DMGDH: variants seen among roughly 807,000 people sequenced by gnomAD.
DMGDH encodes the protein dimethylglycine dehydrogenase, mitochondrial.
Under a neutral mutation model 95.2 loss-of-function variants are expected in DMGDH, and 76 were observed. The observed-to-expected ratio is 0.80, with a 90% CI of 0.66 to 0.97. The LOEUF is 0.97. DMGDH is among the 50% of genes least tolerant of loss of function. The probability of loss-of-function intolerance (pLI) is 0.00; values close to 1 mark genes in which losing one functional copy is unlikely to be tolerated. For synonymous variants in DMGDH, 345 were observed against 377.6 expected (o/e 0.91, Z 1.00); for missense variants, 987 against 1,055.0 (o/e 0.94, Z 0.89).
intron 3 of DMGDH, 52 bp from the exon 4 acceptor site, chr5:79,054,400 C>G: frequency 6.4e-7 from 1 of 1,568,958 alleles, no homozygotes; most frequent in Admixed American, 1.7e-5. Context: ...GTTTGGTACT[C>G]AAACATGGTT....
intron 3 of DMGDH, among the ~76,000 whole-genome samples, chr5:79,055,193 AAAAG>A (rs1754990046): frequency 6.6e-6 from 1 of 152,248 alleles, no homozygotes; most frequent in African/African-American, 2.4e-5. Context: ...GAAGAATGGA[AAAAG>A]AAACAGTTGG....
intron 14 of DMGDH, among the ~76,000 whole-genome samples, chr5:79,019,418 G>A (rs1179449679): frequency 1.3e-5 from 2 of 151,576 alleles, no homozygotes; most frequent in African/African-American, 2.4e-5. Flanking sequence ...TTGGTATGAA[G>A]TTATAAGAAC....
rs867824185 is a variant in DMGDH at position 79,063,097 on chromosome 5, T to A, written c.276+516A>T. Among the ~76,000 whole-genome samples, 116 of 150,796 alleles carry A rather than the reference T, an allele frequency of 7.7e-4. 1 individual carries two copies. Among genetic ancestry groups the A allele is most frequent in the African/African-American group, 2.6e-3 (106 of 41,078 alleles). On this transcript the variant is annotated intron_variant, in intron 2 of 15. Transcript: ENST00000255189. ...CAGCGAGACTCCATTTCAAAAAAAA[T>A]AAAAAATAAAAAATAAAAATAAATA...
intron 9 of DMGDH, among the ~76,000 whole-genome samples, chr5:79,031,385 T>G (rs1285681236): frequency 6.6e-6 from 1 of 151,994 alleles, no homozygotes; most frequent in Non-Finnish European, 1.5e-5. Flanking sequence ...TAAATCAGAG[T>G]GTCTGGGTTG....
At chr5:79,025,013 C>T (rs1174461603) in intron 13 of DMGDH, among the ~76,000 whole-genome samples, 2 of 152,360 alleles carry the variant, frequency 1.3e-5, no homozygotes, top group Middle Eastern at 3.4e-3. Flanking sequence ...TGAAAGTACG[C>T]TTGTTTTATA....
At chr5:78,998,825 G>A (rs141216036) in intron 15 of DMGDH, among the ~76,000 whole-genome samples, 2 of 152,096 alleles carry the variant, frequency 1.3e-5, no homozygotes, top group Non-Finnish European at 2.9e-5. Flanking sequence ...ACTCCAGCCT[G>A]GATGACAGAG....
chr5:79,039,525 G>A (rs1450451941), intron 7 of DMGDH, among the ~76,000 whole-genome samples: 3 of 152,062 alleles, frequency 2.0e-5, no homozygotes, highest in Admixed American at 2.0e-4. Flanking sequence ...CATGGACACA[G>A]GAAGGGGAAC....
At position 79,030,869 on chromosome 5, in the gene DMGDH, T is replaced by C. The variant is rs770899594; in HGVS notation, c.1647A>G (p.Arg549=). The change falls in exon 10 of 16, where the codon AGA becomes AGG. Residue 549 remains arginine (R), a synonymous_variant. Transcript: ENST00000255189. Reference sequence around the variant, plus strand: ...CATTTGCAAAGAGATGGTCCAGTAGTCTAATGGAATCTTGGCCTTTGATGT... The same window carrying C: ...CATTTGCAAAGAGATGGTCCAGTAGCCTAATGGAATCTTGGCCTTTGATGT... ...KFNIKGQDSI[R]LLDHLFANVI... is the part of the protein sequence containing the mutation. The C allele has an allele frequency of 3.1e-6, 5 of 1,614,040 alleles. No homozygotes were observed. The highest frequency in any genetic ancestry group is 3.4e-6 in the Non-Finnish European group (4 of 1,180,008).
chr5:79,001,056 A>G (rs924571928), intron 15 of DMGDH: 3 of 672,388 alleles, frequency 4.5e-6, no homozygotes, highest in South Asian at 1.9e-5. Flanking sequence ...CTCGCCATCA[A>G]TGGCTACCAT....
intron 7 of DMGDH, 121 bp downstream of exon 7, chr5:79,042,162 G>C (rs1165144855): frequency 6.2e-6 from 6 of 965,626 alleles, no homozygotes; most frequent in East Asian, 2.6e-5. Context: ...GTCTCTCTCT[G>C]TTTCTCTTTC....
chr5:79,012,942 CT>C (rs1392506858), intron 14 of DMGDH, among the ~76,000 whole-genome samples: 22 of 152,212 alleles, frequency 1.4e-4, no homozygotes, highest in Admixed American at 1.4e-3. Flanking sequence ...CCTTCAAGAC[CT>C]TTTTCCCCAG....
At chr5:79,025,195 G>T (rs79001772) in intron 13 of DMGDH, among the ~76,000 whole-genome samples, 129 of 152,302 alleles carry the variant, frequency 8.5e-4, no homozygotes, top group African/African-American at 2.8e-3. Flanking sequence ...CGGAGGGACG[G>T]GAGAAGGAGA....
intron 5 of DMGDH, among the ~76,000 whole-genome samples, chr5:79,047,050 G>C (rs1337302803): frequency 6.6e-6 from 1 of 151,966 alleles, no homozygotes; most frequent in African/African-American, 2.4e-5. Context: ...TATCTATGGG[G>C]CTGGTGTCCT....
At chr5:79,022,845 C>T (rs1475008747) in intron 14 of DMGDH, among the ~76,000 whole-genome samples, 1 of 152,188 alleles carries the variant, frequency 6.6e-6, no homozygotes, top group Non-Finnish European at 1.5e-5. Flanking sequence ...TATCTACCTA[C>T]TGGTGACCAA....
intron 2 of DMGDH, among the ~76,000 whole-genome samples, chr5:79,060,048 C>G (rs1755152302): frequency 6.6e-6 from 1 of 152,204 alleles, no homozygotes; most frequent in African/African-American, 2.4e-5. Flanking sequence ...ACACTCCCAC[C>G]ATGAAGTGCC....
chr5:79,026,990 A>T (rs1754021075), intron 12 of DMGDH, among the ~76,000 whole-genome samples: 1 of 152,206 alleles, frequency 6.6e-6, no homozygotes, highest in Non-Finnish European at 1.5e-5. Flanking sequence ...CTTGCCCAAA[A>T]ATCACAAGCT....
At chr5:79,048,759 A>G (rs1027363540) in intron 5 of DMGDH, among the ~76,000 whole-genome samples, 1 of 142,144 alleles carries the variant, frequency 7.0e-6, no homozygotes, top group Non-Finnish European at 1.5e-5. Flanking sequence ...AGATAATTAA[A>G]AACACACATA....
intron 1 of DMGDH, among the ~76,000 whole-genome samples, chr5:79,064,119 G>A (rs1005298687): frequency 5.9e-5 from 9 of 152,032 alleles, no homozygotes; most frequent in African/African-American, 1.9e-4. Flanking sequence ...TTGGAAGGCC[G>A]AGATGGGAAG....
At chr5:79,005,168 C>T in intron 15 of DMGDH, 105 bp downstream of exon 15, 2 of 1,500,204 alleles carry the variant, frequency 1.3e-6, no homozygotes, top group East Asian at 2.3e-5. Context: ...GTCATCCCTC[C>T]AACAAATAAT....
Sources: allele counts gnomAD v4.1 joint callset (sites outside exome capture counted in the v4.1 genomes callset), GRCh38; gene constraint gnomAD v4.1.1; transcripts MANE v1.5; gene names NCBI Gene and HGNC (gene_info 2026-07-23, HGNC 2026-07-21).